Variants in TRIM44 observed in about 807,000 individuals in gnomAD.
The protein encoded by TRIM44 is tripartite motif containing 44, also known as tripartite motif-containing protein 44.
A neutral mutation model predicts 37.4 loss-of-function variants in TRIM44; 13 were observed. The observed-to-expected ratio is 0.35, with a 90% CI of 0.23 to 0.55. The LOEUF (loss-of-function observed/expected upper bound fraction) is 0.55, where lower values mean the gene tolerates loss of function less well. Ranked by LOEUF, TRIM44 falls within the 20% of genes least tolerant of loss-of-function variation. TRIM44 has a pLI of 0.89. For missense variants in TRIM44, 426 were observed against 437.2 expected (o/e 0.97, Z 0.23); for synonymous variants, 175 against 157.2 (o/e 1.11, Z -0.85).
chr11:35,804,336 A>G (rs1853419201), intron 4 of TRIM44, among the ~76,000 whole-genome samples: 1 of 152,216 alleles, frequency 6.6e-6, no homozygotes. Flanking sequence ...AAAAGAGTTT[A>G]TTTATAATTT....
intron 4 of TRIM44, among the ~76,000 whole-genome samples, chr11:35,771,745 A>G (rs1016333636): frequency 3.4e-5 from 5 of 148,018 alleles, no homozygotes; most frequent in South Asian, 2.2e-4. Flanking sequence ...AAAAAAAAAA[A>G]GCATTTAGTT....
At chr11:35,681,935 CT>C (rs1303532357) in intron 1 of TRIM44, among the ~76,000 whole-genome samples, 4 of 151,522 alleles carry the variant, frequency 2.6e-5, no homozygotes, top group African/African-American at 9.7e-5. Flanking sequence ...CCCCATGCCC[CT>C]GACCTATGTC....
chr11:35,730,350 T>C (rs1319846039), intron 3 of TRIM44, among the ~76,000 whole-genome samples: 1 of 152,118 alleles, frequency 6.6e-6, no homozygotes, highest in Non-Finnish European at 1.5e-5. Flanking sequence ...CAGGGACTTA[T>C]AGGACAATAA....
chr11:35,736,904 G>A (rs1852333913), intron 4 of TRIM44, among the ~76,000 whole-genome samples: 1 of 152,128 alleles, frequency 6.6e-6, no homozygotes, highest in African/African-American at 2.4e-5. Context: ...CCTACTGTGT[G>A]TCTGGCACTG....
intron 2 of TRIM44, among the ~76,000 whole-genome samples, chr11:35,710,301 T>C (rs866732295): frequency 3.3e-5 from 5 of 152,226 alleles, no homozygotes; most frequent in African/African-American, 9.6e-5. Flanking sequence ...TTATCTCTTA[T>C]AAATGGATAC....
chr11:35,735,927 GA>G (rs993722229), intron 4 of TRIM44, among the ~76,000 whole-genome samples: 107 of 148,784 alleles, frequency 7.2e-4, no homozygotes, highest in African/African-American at 2.2e-3. Context: ...CTTTGTTTAG[GA>G]AAAAAAAAAT....
chr11:35,720,714 C>T (rs534535750), intron 2 of TRIM44, among the ~76,000 whole-genome samples: 17 of 152,000 alleles, frequency 1.1e-4, no homozygotes, highest in Non-Finnish European at 2.1e-4. Flanking sequence ...AGCTCCCCCC[C>T]ACCCCATTCC....
intron 2 of TRIM44, among the ~76,000 whole-genome samples, chr11:35,696,220 T>G (rs909929544): frequency 2.7e-5 from 4 of 150,610 alleles, no homozygotes; most frequent in Non-Finnish European, 4.4e-5. Context: ...CTCAGCTCAC[T>G]GCAAGCTCCG....
At chr11:35,719,675 T>C (rs1852078249) in intron 2 of TRIM44, among the ~76,000 whole-genome samples, 1 of 152,170 alleles carries the variant, frequency 6.6e-6, no homozygotes, top group South Asian at 2.1e-4. Context: ...TTTTATAGTT[T>C]TGCATTTTAC....
rs1228141045 is a variant in TRIM44, at chr11:35,715,934, G to A, written c.748-9990G>A. ...ATTATACAGTACCAAGAGGGATGGT[G>A]GTAAATCACTCATGAGAACTCCACC... On this transcript the variant is annotated intron_variant, in intron 2 of 4. Transcript: ENST00000299413. 3.3e-5 allele frequency among the ~76,000 whole-genome samples: 5 copies of A among 152,096 alleles called. No individual in the cohort carries two copies. In the East Asian group the frequency reaches 7.7e-4, roughly 23 times the overall value.
chr11:35,749,571 C>G (rs1590566681), intron 4 of TRIM44, among the ~76,000 whole-genome samples: 1 of 152,144 alleles, frequency 6.6e-6, no homozygotes, highest in South Asian at 2.1e-4. Context: ...TGTAATCCCA[C>G]CTACTCAGGA....
chr11:35,814,729 C>T lies in TRIM44; in HGVS notation c.*8344C>T, dbSNP rs1387059324. ...TGCTGGTGGTAATGATGAGTTTTGT[C>T]ACTTGCTATAACATTCTCTGTCCGT... On this transcript the variant is annotated 3_prime_UTR_variant, in exon 5 of 5. Coordinates refer to ENST00000299413, the MANE Select transcript of TRIM44 (RefSeq NM_017583.6). The T allele has an allele frequency of 1.3e-5, 2 of 152,108 alleles. No homozygotes were observed. Among genetic ancestry groups the T allele is most frequent in the African/African-American group, 4.8e-5 (2 of 41,420 alleles). 9.4% of individuals were successfully genotyped at this position (152,108 alleles called of 1,614,324 possible).
chr11:35,798,566 C>T (rs138541632), intron 4 of TRIM44, among the ~76,000 whole-genome samples: 17 of 152,204 alleles, frequency 1.1e-4, no homozygotes, highest in African/African-American at 3.6e-4. Flanking sequence ...TGCAAACATG[C>T]CTTTGGACCC....
chr11:35,733,669 T>G lies in TRIM44; in HGVS notation c.988-1757T>G, dbSNP rs554717007. Among the ~76,000 whole-genome samples, 8 of 152,272 alleles carry G rather than the reference T, an allele frequency of 5.3e-5. No individual in the cohort carries two copies. The East Asian group carries it at 1.5e-3, about 29-fold the overall frequency. On this transcript the variant is annotated intron_variant, in intron 3 of 4. Coordinates refer to ENST00000299413, the MANE Select transcript of TRIM44 (RefSeq NM_017583.6). ...TTCTTATTCGACCTCAAATGGCTAG[T>G]TTGATTTAAATCACCTTTCTGGCTG...
At chr11:35,788,155 G>A (rs1853153865) in intron 4 of TRIM44, among the ~76,000 whole-genome samples, 2 of 152,150 alleles carry the variant, frequency 1.3e-5, no homozygotes, top group African/African-American at 4.8e-5. Context: ...GCCGGAGGGT[G>A]GATGATGAGT....
chr11:35,664,356 A>G (rs1202976397), intron 1 of TRIM44, among the ~76,000 whole-genome samples: 1 of 152,234 alleles, frequency 6.6e-6, no homozygotes, highest in African/African-American at 2.4e-5. Flanking sequence ...GGAAGTTCCC[A>G]TGTCCTCTGT....
chr11:35,672,777 G>C (rs751821369), intron 1 of TRIM44, among the ~76,000 whole-genome samples: 2 of 152,130 alleles, frequency 1.3e-5, no homozygotes, highest in Non-Finnish European at 1.5e-5. Context: ...AAGGTTGAAG[G>C]CTTGCTGTAA....
intron 2 of TRIM44, among the ~76,000 whole-genome samples, chr11:35,703,324 G>A (rs1008053522): frequency 7.9e-5 from 12 of 152,228 alleles, no homozygotes; most frequent in African/African-American, 2.9e-4. Context: ...CCACCTGTGG[G>A]GGCGGGGCAC....
chr11:35,802,113 C>A (rs2043190771), intron 4 of TRIM44, among the ~76,000 whole-genome samples: 1 of 152,238 alleles, frequency 6.6e-6, no homozygotes, highest in African/African-American at 2.4e-5. Context: ...TTTTGGTGGT[C>A]AAACCATCCA....
Sources: gnomAD v4.1 joint callset for allele counts (sites outside exome capture counted in the v4.1 genomes callset) on GRCh38, gnomAD v4.1.1 for gene constraint, MANE v1.5 for transcripts, NCBI Gene and HGNC (gene_info 2026-07-23, HGNC 2026-07-21) for gene names.